Variants in NFIB observed in about 807,000 individuals in gnomAD.
NFIB encodes nuclear factor 1 B-type.
In NFIB, 11 loss-of-function variants were observed where a neutral mutation model predicts 61.5. The observed-to-expected ratio is 0.18, with a 90% CI of 0.11 to 0.30. NFIB has a LOEUF of 0.30. Among genes scored for constraint, NFIB ranks in the 10% least tolerant of loss-of-function variants. The pLI is 1.00. For missense variants in NFIB, 471 were observed against 608.9 expected, an observed-to-expected ratio of 0.77 and a Z score of 2.38; for synonymous variants, 260 against 216.5, an observed-to-expected ratio of 1.20 and a Z score of -1.76.
chr9:14,193,452 T>G (rs925554481), intron 2 of NFIB, among the ~76,000 whole-genome samples: 1 of 152,192 alleles, frequency 6.6e-6, no homozygotes, highest in South Asian at 2.1e-4. Flanking sequence ...TCAAAAGGTT[T>G]TCTTAAATAT....
intron 1 of NFIB, among the ~76,000 whole-genome samples, chr9:14,352,598 G>A (rs866025336): frequency 2.5e-4 from 38 of 152,194 alleles, no homozygotes; most frequent in African/African-American, 9.2e-4. Context: ...GGTGCAATTG[G>A]ACAAGCAAGT....
intron 1 of NFIB, among the ~76,000 whole-genome samples, chr9:14,398,007 C>A (rs1415692881): frequency 6.6e-6 from 1 of 152,086 alleles, no homozygotes; most frequent in East Asian, 1.9e-4. Flanking sequence ...ATGCTCCAGG[C>A]TCCATGTAAT....
At chr9:14,123,346 G>A (rs2039192526) in intron 7 of NFIB, among the ~76,000 whole-genome samples, 1 of 152,090 alleles carries the variant, frequency 6.6e-6, no homozygotes, top group Non-Finnish European at 1.5e-5. Flanking sequence ...ACACATGTAT[G>A]TGTATTTCTT....
chr9:14,254,484 C>T (rs2056004109), intron 2 of NFIB, among the ~76,000 whole-genome samples: 1 of 152,148 alleles, frequency 6.6e-6, no homozygotes, highest in South Asian at 2.1e-4. Flanking sequence ...CTCCACCAGA[C>T]ATAAGCACAT....
chr9:14,173,421 A>G (rs953190051), intron 3 of NFIB, among the ~76,000 whole-genome samples: 2 of 152,116 alleles, frequency 1.3e-5, no homozygotes, highest in Non-Finnish European at 2.9e-5. Context: ...AAATATAAAT[A>G]CATATGTAAT....
intron 3 of NFIB, among the ~76,000 whole-genome samples, chr9:14,173,513 G>C (rs1041103048): frequency 1.3e-5 from 2 of 152,162 alleles, no homozygotes; most frequent in Non-Finnish European, 2.9e-5. Flanking sequence ...CAAGGTTCAT[G>C]TGTAACTCAC....
At chr9:14,459,984 G>C in the NFIB span, among the ~76,000 whole-genome samples, 1 of 152,074 alleles carries the variant, frequency 6.6e-6, no homozygotes, top group Non-Finnish European at 1.5e-5. Context: ...TCTAGAACTA[G>C]AAATACCATT....
chr9:14,248,843 A>G (rs900481595), intron 2 of NFIB, among the ~76,000 whole-genome samples: 11 of 152,206 alleles, frequency 7.2e-5, no homozygotes, highest in African/African-American at 2.7e-4. Flanking sequence ...CTAATAGAAT[A>G]TAAGCCTTCA....
chr9:14,323,696 G>T lies in NFIB; in HGVS notation c.109-16176C>A, dbSNP rs536932712. Among the ~76,000 whole-genome samples the T allele has an allele frequency of 1.2e-4, 18 of 152,222 alleles. No individual in the cohort carries two copies. The South Asian group carries it at 3.5e-3, about 30-fold the overall frequency. ...TTATCTCTCTACTAAATGTGAGCACGTCAGTATTTTAATCTCAATTATGTT... is the reference window on the plus strand; with the variant it reads ...TTATCTCTCTACTAAATGTGAGCACTTCAGTATTTTAATCTCAATTATGTT... On this transcript the variant is annotated intron_variant, in intron 1 of 8. Transcript: ENST00000380934.
chr9:14,405,436 G>C, the NFIB span, among the ~76,000 whole-genome samples: 1 of 152,228 alleles, frequency 6.6e-6, no homozygotes, highest in Admixed American at 6.5e-5. Context: ...AAGCAACGAG[G>C]ATGTGAATGG....
intron 2 of NFIB, among the ~76,000 whole-genome samples, chr9:14,302,744 G>A (rs1172481617): frequency 7.3e-6 from 1 of 136,958 alleles, no homozygotes; most frequent in Non-Finnish European, 1.5e-5. Context: ...CCCGCCCCCC[G>A]ACTCCCACCA....
At chr9:14,155,485 G>C (rs1364630428) in intron 4 of NFIB, among the ~76,000 whole-genome samples, 1 of 152,068 alleles carries the variant, frequency 6.6e-6, no homozygotes, top group Non-Finnish European at 1.5e-5. Flanking sequence ...AACTTATGTG[G>C]GTTATCATAA....
Position 14,295,597 on chromosome 9 carries a change from C to G in NFIB, c.562+11392G>C, listed in dbSNP as rs151010737. Among the ~76,000 whole-genome samples the G allele has an allele frequency of 1.6e-4, 25 of 152,112 alleles. No individual in the cohort carries two copies. In the East Asian group the frequency reaches 3.3e-3, roughly 20 times the overall value. ...AGTGAGCCGAGATTGCGCCACTGCACTCCAGCCTGGGCTACCCAGCCAGAC... is the reference window on the plus strand; with the variant it reads ...AGTGAGCCGAGATTGCGCCACTGCAGTCCAGCCTGGGCTACCCAGCCAGAC... On this transcript the variant is annotated intron_variant, in intron 2 of 10. Coordinates refer to ENST00000380953, the MANE Select transcript of NFIB (RefSeq NM_001190737.2).
chr9:14,269,124 A>G (rs1027566177), intron 2 of NFIB, among the ~76,000 whole-genome samples: 3 of 152,020 alleles, frequency 2.0e-5, no homozygotes, highest in Non-Finnish European at 4.4e-5. Flanking sequence ...GTCCTCTACT[A>G]TATTAAAAAC....
chr9:14,405,556 G>T, the NFIB span, among the ~76,000 whole-genome samples: 8,411 of 152,298 alleles, frequency 0.055, 283 homozygotes, highest in Non-Finnish European at 0.078. Context: ...CCAAGTGCAT[G>T]CTGATTCTTT....
intron 2 of NFIB, among the ~76,000 whole-genome samples, chr9:14,206,331 TA>T (rs1468399208): frequency 2.6e-5 from 4 of 151,854 alleles, no homozygotes; most frequent in African/African-American, 9.7e-5. Context: ...TGCACCTGGC[TA>T]ATTTTTTTGT....
At chr9:14,277,903 G>GT in intron 2 of NFIB, among the ~76,000 whole-genome samples, 1 of 152,146 alleles carries the variant, frequency 6.6e-6, no homozygotes, top group African/African-American at 2.4e-5. Flanking sequence ...TCTGTTTCTC[G>GT]TGACTTGAAA....
chr9:14,323,408 T>C (rs1289895707), intron 1 of NFIB, among the ~76,000 whole-genome samples: 3 of 152,216 alleles, frequency 2.0e-5, no homozygotes, highest in African/African-American at 7.2e-5. Flanking sequence ...TGCAATTCTT[T>C]TCATGTTAAG....
chr9:14,088,159 A>G lies in NFIB; in HGVS notation c.*150T>C, dbSNP rs2033158196. ...TCTTTTCCTTTTTTTTTATTTAAAA[A>G]AAAAATTTCTTAAACTATTGTTGTG... On this transcript the variant is annotated 3_prime_UTR_variant, in exon 11 of 11. Coordinates refer to ENST00000380953, the MANE Select transcript of NFIB (RefSeq NM_001190737.2). The G allele has an allele frequency of 1.4e-6, 2 of 1,412,318 alleles. No homozygotes were observed. Among genetic ancestry groups the G allele is most frequent in the South Asian group, 1.6e-5 (1 of 61,928 alleles). The allele number at this position is 1,412,318 out of a possible 1,614,324, so 87.5% of individuals were successfully genotyped here. A position where few individuals can be genotyped will look rare whatever the true frequency, so the allele number is the denominator to read the frequency against.
Sources: gnomAD v4.1 joint callset for allele counts (sites outside exome capture counted in the v4.1 genomes callset) on GRCh38, gnomAD v4.1.1 for gene constraint, MANE v1.5 for transcripts, NCBI Gene and HGNC (gene_info 2026-07-23, HGNC 2026-07-21) for gene names.